SUPT16H: variants seen among roughly 807,000 people sequenced by gnomAD.
SUPT16H encodes the protein SPT16 homolog, facilitates chromatin remodeling subunit.
SUPT16H carries 24 observed loss-of-function variants against 136.2 expected under a neutral mutation model. The ratio of observed to expected loss-of-function variants is 0.18; its 90% CI spans 0.13 to 0.25. SUPT16H has a LOEUF of 0.25. SUPT16H is among the 10% of genes least tolerant of loss of function. The pLI, the probability that SUPT16H is intolerant of heterozygous loss-of-function variation, is 1.00. For missense variants in SUPT16H, 623 were observed against 1,270.2 expected, an observed-to-expected ratio of 0.49 and a Z score of 7.74; for synonymous variants, 415 against 428.2, an observed-to-expected ratio of 0.97 and a Z score of 0.38.
chr14:21,353,409 A>C, intron 25 of SUPT16H, 79 bp downstream of exon 25: 1 of 1,430,462 alleles, frequency 7.0e-7, no homozygotes, highest in East Asian at 2.3e-5. Context: ...CGCCATCAAT[A>C]CTAACACCTC....
chr14:21,382,899 C>T (rs1887062416), intron 1 of SUPT16H: 1 of 152,046 alleles, frequency 6.6e-6, no homozygotes, highest in African/African-American at 2.4e-5. Flanking sequence ...ATTTTAATGG[C>T]TTGGTTTTAG....
chr14:21,369,170 A>C lies in SUPT16H; in HGVS notation c.782+34T>G, dbSNP rs776438062. On this transcript the variant is annotated intron_variant, in intron 6 of 25. Coordinates refer to ENST00000216297, the MANE Select transcript of SUPT16H (RefSeq NM_007192.4). Reference sequence around the variant, plus strand: ...CAAAAAGAAAAAATAGGCTAAAGTCAAAATGCTATATTATGAAGTCTTCAT... The same window carrying C: ...CAAAAAGAAAAAATAGGCTAAAGTCCAAATGCTATATTATGAAGTCTTCAT... 5.1e-6 allele frequency: 8 copies of C among 1,581,088 alleles called. No homozygotes were observed. The South Asian group carries it at 8.2e-5, about 16-fold the overall frequency.
At chr14:21,369,007 A>G (rs1203226083) in intron 6 of SUPT16H, among the ~76,000 whole-genome samples, 197 bp downstream of exon 6, 2 of 152,226 alleles carry the variant, frequency 1.3e-5, no homozygotes, top group Non-Finnish European at 2.9e-5. Flanking sequence ...AATGTTTGAC[A>G]GCAGAGTAGG....
At chr14:21,369,432 G>A in intron 5 of SUPT16H, 77 bp from the exon 6 acceptor site, 1 of 1,557,018 alleles carries the variant, frequency 6.4e-7, no homozygotes, top group South Asian at 1.2e-5. Context: ...ATGATTTGAA[G>A]ACAAAATGTA....
chr14:21,358,251 A>G, intron 20 of SUPT16H, 64 bp downstream of exon 20: 1 of 1,013,684 alleles, frequency 9.9e-7, no homozygotes, highest in Non-Finnish European at 1.5e-6. Flanking sequence ...TATTAAAGGA[A>G]GAATAATTTA....
rs1594297982 is a variant in SUPT16H, at chr14:21,357,231, C to A, written c.2626G>T (p.Val876Leu). ...TCCTTGATGGGGTCAAGAGAGGCTA[C>A]AGGAATGGCGTTGATCATGGTCACT... ...KKVTMINAIP[V>L]ASLDPIKEWL... The change falls in exon 22 of 26, where the codon GTA becomes TTA. Residue 876 changes from valine (V) to leucine (L), a missense_variant. Val to Leu is a conservative substitution (Grantham distance 32). Transcript: ENST00000216297. 6.2e-7 allele frequency: 1 copy of A among 1,610,522 alleles called. No individual in the cohort carries two copies. The highest frequency in any genetic ancestry group is 8.5e-7 in the Non-Finnish European group (1 of 1,178,394).
chr14:21,359,280 A>G (rs1053289437), intron 19 of SUPT16H, among the ~76,000 whole-genome samples: 1 of 151,728 alleles, frequency 6.6e-6, no homozygotes, highest in African/African-American at 2.4e-5. Context: ...TTTTTAGTAC[A>G]GACAGGGTTT....
intron 17 of SUPT16H, 137 bp downstream of exon 17, chr14:21,360,709 A>T: frequency 2.2e-6 from 3 of 1,352,770 alleles, no homozygotes; most frequent in East Asian, 2.3e-5. Flanking sequence ...TTTCCTTGTC[A>T]TACTTTATTA....
At position 21,352,295 on chromosome 14, in the gene SUPT16H, G is replaced by C. The variant is rs10872898; in HGVS notation, c.*378C>G. On this transcript the variant is annotated 3_prime_UTR_variant, in exon 26 of 26. Transcript: ENST00000216297. ...TGTGCTGGTCAAGAACCATGATACGGGTAATTAAGGGTCACCTTGTACCAC... is the reference window on the plus strand; with the variant it reads ...TGTGCTGGTCAAGAACCATGATACGCGTAATTAAGGGTCACCTTGTACCAC... 5.8e-3 allele frequency: 1,340 copies of C among 229,470 alleles called. 26 individuals carry two copies. Among genetic ancestry groups the C allele is most frequent in the East Asian group, 0.05 (526 of 10,506 alleles). The allele number at this position is 229,470 out of a possible 1,614,324, so 14.2% of individuals were successfully genotyped here.
chr14:21,379,314 T>C (rs372104027), intron 1 of SUPT16H, among the ~76,000 whole-genome samples: 1 of 151,930 alleles, frequency 6.6e-6, no homozygotes, highest in African/African-American at 2.4e-5. Context: ...CACACACCTG[T>C]AATCTCAACT....
intron 22 of SUPT16H, among the ~76,000 whole-genome samples, chr14:21,355,513 T>TAAAAAAAAAAAATAAAAAA (rs1886412000): frequency 8.8e-6 from 1 of 113,614 alleles, no homozygotes; most frequent in Non-Finnish European, 1.8e-5. Flanking sequence ...ATAATAATAA[T>TAAAAAAAAAAAATAAAAAA]AAAAAAAAAA....
intron 9 of SUPT16H, 25 bp downstream of exon 9, chr14:21,365,045 T>A: frequency 6.2e-7 from 1 of 1,611,064 alleles, no homozygotes. Flanking sequence ...CACAAAAGCA[T>A]TTTCCTATTG....
intron 8 of SUPT16H, among the ~76,000 whole-genome samples, chr14:21,365,878 G>C (rs1886655516): frequency 6.6e-6 from 1 of 152,130 alleles, no homozygotes; most frequent in South Asian, 2.1e-4. Context: ...CAAGGTGGGA[G>C]GACTGCTTGA....
At chr14:21,370,568 A>G in intron 3 of SUPT16H, 80 bp from the exon 4 acceptor site, 1 of 1,460,516 alleles carries the variant, frequency 6.8e-7, no homozygotes, top group Non-Finnish European at 9.4e-7. Context: ...AGGTAGAATA[A>G]TATTCTAAAC....
chr14:21,365,911 T>A (rs1173406428), intron 8 of SUPT16H, among the ~76,000 whole-genome samples: 2 of 152,148 alleles, frequency 1.3e-5, no homozygotes, highest in African/African-American at 4.8e-5. Flanking sequence ...AAGACCAGCC[T>A]GGGCAACATA....
intron 1 of SUPT16H, among the ~76,000 whole-genome samples, chr14:21,376,965 C>T (rs1295471489): frequency 5.3e-5 from 8 of 150,908 alleles, no homozygotes; most frequent in Admixed American, 2.0e-4. Context: ...CCCAGCTACT[C>T]GGGAGGCTGA....
intron 3 of SUPT16H, among the ~76,000 whole-genome samples, chr14:21,370,731 G>A (rs141602627): frequency 3.3e-5 from 5 of 151,720 alleles, no homozygotes; most frequent in East Asian, 1.9e-4. Flanking sequence ...CTCCTGCCTC[G>A]GCCTCCCAAG....
Position 21,382,131 on chromosome 14 carries a change from T to C in SUPT16H, c.66+1731A>G, listed in dbSNP as rs1008779845. Among the ~76,000 whole-genome samples the C allele has an allele frequency of 1.9e-4, 29 of 152,214 alleles. 1 individual carries two copies. The highest frequency in any genetic ancestry group is 5.5e-4 in the African/African-American group (23 of 41,458). ...AAAGACTGCATACACAAAGAACTTC[T>C]ACAGGTGGGTTCTGGACACATTAAC... On this transcript the variant is annotated intron_variant, in intron 1 of 25. Coordinates refer to ENST00000216297, the MANE Select transcript of SUPT16H (RefSeq NM_007192.4).
At chr14:21,369,962 C>T (rs1229383104) in intron 4 of SUPT16H, 66 bp from the exon 5 acceptor site, 3 of 1,554,226 alleles carry the variant, frequency 1.9e-6, no homozygotes, top group Non-Finnish European at 2.6e-6. Context: ...TGCATCTCTC[C>T]AATTTGAATA....
Sources: gnomAD v4.1 joint callset for allele counts (sites outside exome capture counted in the v4.1 genomes callset) on GRCh38, gnomAD v4.1.1 for gene constraint, MANE v1.5 for transcripts, NCBI Gene and HGNC (gene_info 2026-07-23, HGNC 2026-07-21) for gene names.